FARSB: variants seen among roughly 807,000 people sequenced by gnomAD.
FARSB encodes the protein phenylalanine--tRNA ligase beta subunit.
FARSB carries 40 observed loss-of-function variants against 69.6 expected under a neutral mutation model. The observed-to-expected ratio is 0.57, with a 90% CI of 0.45 to 0.75. The LOEUF (loss-of-function observed/expected upper bound fraction) is 0.75, where lower values mean the gene tolerates loss of function less well. FARSB is among the 30% of genes least tolerant of loss of function. The pLI is 0.00. For synonymous variants in FARSB, 235 were observed against 247.2 expected (o/e 0.95, Z 0.46); for missense variants, 632 against 722.9 (o/e 0.87, Z 1.44).
At chr2:222,596,469 A>G (rs1337435704) in intron 16 of FARSB, among the ~76,000 whole-genome samples, 1 of 152,204 alleles carries the variant, frequency 6.6e-6, no homozygotes, top group Non-Finnish European at 1.5e-5. Context: ...CATATGCAGG[A>G]ATCTCTGGAG....
intron 16 of FARSB, among the ~76,000 whole-genome samples, chr2:222,593,222 C>A (rs1005933037): frequency 6.6e-6 from 1 of 152,138 alleles, no homozygotes; most frequent in African/African-American, 2.4e-5. Flanking sequence ...TGAAAAAAAT[C>A]TTCCATATTA....
At chr2:222,594,899 A>G (rs1018303583) in intron 16 of FARSB, among the ~76,000 whole-genome samples, 1 of 152,246 alleles carries the variant, frequency 6.6e-6, no homozygotes, top group African/African-American at 2.4e-5. Context: ...GACTCATGTG[A>G]TGATTGCTGA....
intron 15 of FARSB, among the ~76,000 whole-genome samples, chr2:222,606,865 A>T (rs1328139171): frequency 6.6e-6 from 1 of 152,232 alleles, no homozygotes; most frequent in Admixed American, 6.5e-5. Flanking sequence ...CTATTCTCAC[A>T]TTCACCTAAA....
At chr2:222,642,727 T>G in intron 3 of FARSB, 124 bp downstream of exon 3, 2 of 614,422 alleles carry the variant, frequency 3.3e-6, no homozygotes, top group Non-Finnish European at 5.4e-6. Flanking sequence ...AACCCTCTAT[T>G]GAGAGCTAAA....
intron 1 of FARSB, among the ~76,000 whole-genome samples, chr2:222,652,773 AGT>A (rs1692071581): frequency 6.6e-6 from 1 of 152,238 alleles, no homozygotes; most frequent in Non-Finnish European, 1.5e-5. Context: ...CAGCTAAGCC[AGT>A]CCCCAATTCC....
intron 16 of FARSB, among the ~76,000 whole-genome samples, chr2:222,592,762 T>C (rs1444048523): frequency 2.0e-5 from 3 of 151,686 alleles, no homozygotes; most frequent in African/African-American, 7.3e-5. Context: ...CAGCTGGATG[T>C]AAATACAGTA....
intron 16 of FARSB, among the ~76,000 whole-genome samples, chr2:222,591,516 T>C (rs1574917243): frequency 6.6e-6 from 1 of 152,168 alleles, no homozygotes; most frequent in Non-Finnish European, 1.5e-5. Flanking sequence ...TTAGTACTCA[T>C]AATCACAGCA....
rs759186567 is a variant in FARSB at position 222,634,663 on chromosome 2, TA to T, written c.456-123del. On this transcript the variant is annotated intron_variant, in intron 5 of 16. Transcript: ENST00000281828. ...ATAAATATAGACTACATATTTTTTT[TA>T]ATTATTTCAGATACTTCCCTGAAAC... 399 of 669,654 alleles carry T rather than the reference TA, an allele frequency of 6.0e-4. 1 individual carries two copies. The highest frequency in any genetic ancestry group is 5.5e-5 in the Non-Finnish European group (24 of 433,250). The allele number at this position is 669,654 out of a possible 1,614,324, so 41.5% of individuals were successfully genotyped here.
At chr2:222,587,746 T>C (rs1385563703) in intron 16 of FARSB, among the ~76,000 whole-genome samples, 1 of 152,098 alleles carries the variant, frequency 6.6e-6, no homozygotes, top group African/African-American at 2.4e-5. Context: ...GAAAATAAAC[T>C]AGAAAATCTA....
At chr2:222,651,366 G>A (rs1164872647) in intron 1 of FARSB, among the ~76,000 whole-genome samples, 3 of 152,210 alleles carry the variant, frequency 2.0e-5, no homozygotes, top group Non-Finnish European at 4.4e-5. Context: ...GAGCCAGGAT[G>A]TTGGGGATTT....
chr2:222,626,411 C>T (rs1050176661), intron 10 of FARSB, among the ~76,000 whole-genome samples: 2 of 151,844 alleles, frequency 1.3e-5, no homozygotes, highest in African/African-American at 4.8e-5. Flanking sequence ...TATGAAATAA[C>T]AAAACACAAG....
chr2:222,582,292 G>A (rs2106181117), intron 16 of FARSB, among the ~76,000 whole-genome samples: 1 of 152,302 alleles, frequency 6.6e-6, no homozygotes, highest in East Asian at 1.9e-4. Flanking sequence ...CTCCAATGTA[G>A]GCTGTCAGGT....
At position 222,633,191 on chromosome 2, in the gene FARSB, T is replaced by A. The variant is rs766107441; in HGVS notation, c.715+8A>T. The A allele has an allele frequency of 4.0e-6, 5 of 1,250,544 alleles. No individual in the cohort carries two copies. In the South Asian group the frequency reaches 6.0e-5, roughly 15 times the overall value. 77.5% of individuals were successfully genotyped at this position (1,250,544 alleles called of 1,614,324 possible). On this transcript the variant is annotated splice_region_variant and intron_variant, in intron 7 of 16. Coordinates refer to ENST00000281828, the MANE Select transcript of FARSB (RefSeq NM_005687.5). ...GCAAAGATCTGTGATGCTTATAAAA[T>A]AACTCACCATTGATGATGGGAGGCA...
intron 14 of FARSB, among the ~76,000 whole-genome samples, chr2:222,616,661 G>A (rs1691004880): frequency 1.3e-5 from 2 of 151,812 alleles, no homozygotes; most frequent in South Asian, 4.2e-4. Context: ...TATTCTGTAA[G>A]TTTGTTTATT....
intron 16 of FARSB, among the ~76,000 whole-genome samples, chr2:222,577,325 G>A (rs1689862888): frequency 6.6e-6 from 1 of 152,188 alleles, no homozygotes; most frequent in African/African-American, 2.4e-5. Context: ...CCTAAAGTCT[G>A]TAAAGAGAGG....
intron 1 of FARSB, among the ~76,000 whole-genome samples, chr2:222,651,655 G>A (rs1243928629): frequency 2.0e-5 from 3 of 152,216 alleles, no homozygotes; most frequent in African/African-American, 7.2e-5. Flanking sequence ...ATATATTTCA[G>A]AGATGTGTAG....
In FARSB at chr2:222,599,941, G is replaced by C. The variant is rs1690517356; in HGVS notation, c.1605C>G (p.Ile535Met). 2 of 1,597,988 alleles carry C rather than the reference G, an allele frequency of 1.3e-6. No individual in the cohort carries two copies. The highest frequency in any genetic ancestry group is 2.3e-5 in the East Asian group (1 of 44,188). The part of the protein sequence containing the change: ...PPGEDKGGYV[I>M]KASEGPAFFP... ...CATCTGTCTTACCTTCTGATGCTTT[G>C]ATCACATATCCCCCCTTGTCTTCAC... Residue 535 changes from isoleucine (I) to methionine (M), a missense_variant, in exon 16 of 17, where the codon ATC becomes ATG. Transcript: ENST00000281828.
intron 1 of FARSB, among the ~76,000 whole-genome samples, chr2:222,649,872 T>C (rs918127985): frequency 3.3e-5 from 5 of 152,228 alleles, no homozygotes; most frequent in Non-Finnish European, 1.5e-5. Context: ...TAGCGAAAAC[T>C]GGTCTTAAGA....
intron 10 of FARSB, among the ~76,000 whole-genome samples, chr2:222,625,306 T>C (rs966842173): frequency 6.6e-6 from 1 of 152,204 alleles, no homozygotes; most frequent in African/African-American, 2.4e-5. Context: ...ACCGTATTAG[T>C]GAGGTGAGAA....
Sources: allele counts gnomAD v4.1 joint callset (sites outside exome capture counted in the v4.1 genomes callset), GRCh38; gene constraint gnomAD v4.1.1; transcripts MANE v1.5; gene names NCBI Gene and HGNC (gene_info 2026-07-23, HGNC 2026-07-21).